The following ADGRL2 variants were observed in gnomAD, a reference collection of about 807,000 sequenced individuals.
The protein encoded by ADGRL2 is adhesion G protein-coupled receptor L2, also known as calcium-independent alpha-latrotoxin receptor 2.
A neutral mutation model predicts 157.4 loss-of-function variants in ADGRL2; 44 were observed. That is an observed-to-expected ratio of 0.28 (90% CI 0.22 to 0.36). ADGRL2 has a LOEUF of 0.36. Ranked by LOEUF, ADGRL2 falls within the 10% of genes least tolerant of loss-of-function variation. ADGRL2 has a pLI of 1.00. For synonymous variants in ADGRL2, 585 were observed against 624.7 expected (o/e 0.94, Z 0.95); for missense variants, 1,510 against 1,768.9 (o/e 0.85, Z 2.63).
At chr1:81,608,350 C>T (rs533731796) in intron 3 of ADGRL2, among the ~76,000 whole-genome samples, 8 of 152,162 alleles carry the variant, frequency 5.3e-5, no homozygotes, top group Non-Finnish European at 1.0e-4. Context: ...GAGACTCTCG[C>T]TCCAGAACCA....
At chr1:81,478,125 C>A (rs2078310828) in intron 2 of ADGRL2, among the ~76,000 whole-genome samples, 1 of 151,984 alleles carries the variant, frequency 6.6e-6, no homozygotes, top group African/African-American at 2.4e-5. Context: ...CTGTGCTCAA[C>A]AGTTTGCATC....
At chr1:81,673,441 T>A (rs2148924332) in intron 3 of ADGRL2, among the ~76,000 whole-genome samples, 1 of 152,228 alleles carries the variant, frequency 6.6e-6, no homozygotes, top group South Asian at 2.1e-4. Flanking sequence ...ATGGTTTGTG[T>A]ATATTTGTAG....
intron 3 of ADGRL2, among the ~76,000 whole-genome samples, chr1:81,616,674 C>CTTTTA (rs1393879384): frequency 1.9e-5 from 1 of 51,870 alleles, no homozygotes. Flanking sequence ...CTTTTCTTTT[C>CTTTTA]TTTTCTTTTT....
chr1:81,446,202 C>A (rs755413351), intron 2 of ADGRL2, among the ~76,000 whole-genome samples: 64 of 152,078 alleles, frequency 4.2e-4, no homozygotes, highest in Admixed American at 9.8e-4. Context: ...TGTAAAGTGA[C>A]CTGAAAGTGG....
intron 1 of ADGRL2, among the ~76,000 whole-genome samples, chr1:81,339,321 C>T (rs1043660627): frequency 4.2e-4 from 64 of 152,286 alleles, no homozygotes; most frequent in African/African-American, 1.4e-3. Context: ...CCAACTCAGA[C>T]AATCTGATTC....
chr1:81,873,208 G>C (rs1444216463), intron 2 of ADGRL2, among the ~76,000 whole-genome samples: 1 of 152,032 alleles, frequency 6.6e-6, no homozygotes, highest in African/African-American at 2.4e-5. Context: ...TCTCTGCTTT[G>C]AGTATAAATG....
chr1:81,363,694 TA>T (rs1214188397), intron 1 of ADGRL2, among the ~76,000 whole-genome samples: 5 of 152,150 alleles, frequency 3.3e-5, no homozygotes, highest in Non-Finnish European at 7.4e-5. Flanking sequence ...AAAACCATCA[TA>T]AAAGATTGTG....
chr1:81,345,925 T>C (rs6698061), intron 1 of ADGRL2, among the ~76,000 whole-genome samples: 19,686 of 152,214 alleles, frequency 0.13, 1,970 homozygotes, highest in African/African-American at 0.28. Flanking sequence ...TTTTGTTGAA[T>C]CTATTCTGGA....
chr1:81,770,146 C>T (rs1403648117), intron 2 of ADGRL2, among the ~76,000 whole-genome samples: 1 of 141,240 alleles, frequency 7.1e-6, no homozygotes, highest in Non-Finnish European at 1.5e-5. Context: ...TGAGCCACTG[C>T]ACCCAGCTTT....
intron 2 of ADGRL2, among the ~76,000 whole-genome samples, chr1:81,489,210 G>A (rs926258572): frequency 2.0e-5 from 3 of 151,282 alleles, no homozygotes; most frequent in East Asian, 1.9e-4. Context: ...GCACTCCAGC[G>A]TGGGTGACAG....
At chr1:81,656,045 C>T (rs557853273) in intron 3 of ADGRL2, among the ~76,000 whole-genome samples, 14 of 152,288 alleles carry the variant, frequency 9.2e-5, no homozygotes, top group Middle Eastern at 3.4e-3. Flanking sequence ...CTTTTTACCT[C>T]TTTTGTATAT....
intron 2 of ADGRL2, chr1:81,503,071 G>A (rs1352171933): frequency 1.2e-6 from 2 of 1,609,064 alleles, no homozygotes; most frequent in Admixed American, 3.4e-5. Flanking sequence ...GGAGCGGCTG[G>A]AGTCAGGGGA....
chr1:81,588,101 A>G (rs112407317), intron 3 of ADGRL2, among the ~76,000 whole-genome samples: 3,574 of 152,176 alleles, frequency 0.023, 112 homozygotes, highest in African/African-American at 0.082. Context: ...GAAGCAGGGA[A>G]GAAGGTAGCT....
intron 2 of ADGRL2, among the ~76,000 whole-genome samples, chr1:81,521,498 A>T (rs1278745638): frequency 6.6e-6 from 1 of 152,192 alleles, no homozygotes; most frequent in Non-Finnish European, 1.5e-5. Context: ...TTAATAAGGA[A>T]GTAATCATTT....
chr1:81,747,891 T>C (rs778893218), intron 1 of ADGRL2, among the ~76,000 whole-genome samples: 3 of 152,116 alleles, frequency 2.0e-5, no homozygotes, highest in Admixed American at 1.3e-4. Flanking sequence ...TATCCTCATT[T>C]TACCAAAAAG....
At chr1:81,322,392 G>T (rs1465470260) in intron 1 of ADGRL2, among the ~76,000 whole-genome samples, 7 of 152,032 alleles carry the variant, frequency 4.6e-5, no homozygotes, top group African/African-American at 1.4e-4. Flanking sequence ...AAAGGTAACA[G>T]GACGTGATAA....
chr1:81,323,147 C>G lies in ADGRL2; in HGVS notation c.-302+16638C>G, dbSNP rs143469248. ...TGCTGGGATTACAGGTGTGAGCCAC[C>G]GTGCCCGGCCTATAAACATATATTA... On this transcript the variant is annotated intron_variant, in intron 1 of 24. Coordinates refer to the ADGRL2 transcript ENST00000370721. Among the ~76,000 whole-genome samples the G allele has an allele frequency of 6.6e-5, 10 of 151,942 alleles. No homozygotes were observed. In the East Asian group the frequency reaches 1.8e-3, roughly 27 times the overall value.
rs532175224 is a variant in ADGRL2, at chr1:81,765,302, C to A, written c.-101+3450C>A. 1.1e-4 allele frequency among the ~76,000 whole-genome samples: 16 copies of A among 152,016 alleles called. No homozygotes were observed. In the South Asian group the frequency reaches 3.3e-3, roughly 32 times the overall value. ...TCCTTTTTTGCATGTACTCGGTAAA[C>A]TCTTTAGTCCAACATATCATGACAT... On this transcript the variant is annotated intron_variant, in intron 2 of 20. Transcript: ENST00000359929.
intron 3 of ADGRL2, among the ~76,000 whole-genome samples, chr1:81,919,949 T>C (rs1213708102): frequency 2.6e-5 from 4 of 152,178 alleles, no homozygotes; most frequent in Non-Finnish European, 4.4e-5. Flanking sequence ...GAATATGAAA[T>C]GTAACCAAGA....
Sources: gnomAD v4.1 joint callset for allele counts (sites outside exome capture counted in the v4.1 genomes callset) on GRCh38, gnomAD v4.1.1 for gene constraint, MANE v1.5 for transcripts, NCBI Gene and HGNC (gene_info 2026-07-23, HGNC 2026-07-21) for gene names.